PIGT: variants seen among roughly 807,000 people sequenced by gnomAD.
PIGT encodes phosphatidylinositol glycan anchor biosynthesis class T.
In PIGT, 57 loss-of-function variants were observed where a neutral mutation model predicts 66.7. The observed-to-expected ratio is 0.86, with a 90% CI of 0.69 to 1.07. The LOEUF (loss-of-function observed/expected upper bound fraction) is 1.07, where lower values mean the gene tolerates loss of function less well. PIGT is among the 50% of genes least tolerant of loss of function. The pLI is 0.00. For synonymous variants in PIGT, 362 were observed against 320.5 expected, an observed-to-expected ratio of 1.13 and a Z score of -1.38; for missense variants, 725 against 740.4, an observed-to-expected ratio of 0.98 and a Z score of 0.24.
In PIGT at chr20:45,418,869, A is replaced by G; in HGVS notation, c.383A>G (p.Lys128Arg). 6.2e-7 allele frequency: 1 copy of G among 1,614,016 alleles called. No homozygotes were observed. The highest frequency in any genetic ancestry group is 8.5e-7 in the Non-Finnish European group (1 of 1,179,922). Residue 128 changes from lysine to arginine, a missense_variant, in exon 3 of 12, where the codon AAG (lysine) becomes AGG (arginine). Around this residue, in one of 3 missense-constraint regions of PIGT, gnomAD observed 559 missense variants for 552.7 expected, o/e 1.01. Coordinates refer to ENST00000279036, the MANE Select transcript of PIGT (RefSeq NM_015937.6). ...DTVTDVDKSW[K>R]ELSNVLSGIF... Reference sequence around the variant, plus strand: ...CTATCCAGTGTGGATAAATCTTGGAAGGAGCTCAGTAATGTCCTCTCAGGG... The same window carrying G: ...CTATCCAGTGTGGATAAATCTTGGAGGGAGCTCAGTAATGTCCTCTCAGGG...
In PIGT at chr20:45,419,370, A is replaced by C. The variant is rs1193052739; in HGVS notation, c.569A>C (p.Lys190Thr). 1.2e-6 allele frequency: 2 copies of C among 1,613,982 alleles called. No individual in the cohort carries two copies. The highest frequency in any genetic ancestry group is 2.2e-5 in the East Asian group (1 of 44,888). Residue 190 changes from lysine (K) to threonine (T), a missense_variant, in exon 4 of 12, where the codon AAG (lysine) becomes ACG (threonine). By Grantham distance (78) the Lys-to-Thr change is moderately conservative (BLOSUM62 -1). Transcript: ENST00000279036. The part of the protein sequence containing the change: ...VVCTENLTPW[K>T]KLLPCSSKAG... Reference sequence around the variant, plus strand: ...TGCACCGAAAACCTCACCCCCTGGAAGAAGCTCTTGCCCTGTAGTTCCAAG... The same window carrying C: ...TGCACCGAAAACCTCACCCCCTGGACGAAGCTCTTGCCCTGTAGTTCCAAG...
In PIGT at chr20:45,421,552, C is replaced by T. The variant is rs757386694; in HGVS notation, c.1203C>T (p.Thr401=). Residue 401 remains threonine (T), a synonymous_variant, in exon 9 of 12, where the codon ACC becomes ACT. Coordinates refer to ENST00000279036, the MANE Select transcript of PIGT (RefSeq NM_015937.6). ...WYLRLYVHTL[T]ITSKGKENKP... ...TGCGGCTGTATGTGCACACCCTCAC[C>T]ATCACCTCCAAGGGCAAGGAGAACA... 1 of 1,614,138 alleles carries T rather than the reference C, an allele frequency of 6.2e-7. No individual in the cohort carries two copies. The highest frequency in any genetic ancestry group is 8.5e-7 in the Non-Finnish European group (1 of 1,180,014).
intron 8 of PIGT, chr20:45,421,080 T>TA (rs1990331369): frequency 3.9e-6 from 2 of 518,796 alleles, no homozygotes; most frequent in Non-Finnish European, 6.9e-6. Context: ...GTTAATTAAT[T>TA]ACAGTTGTGT....
chr20:45,419,891 A>G (rs1600810062), intron 5 of PIGT: 2 of 599,784 alleles, frequency 3.3e-6, no homozygotes, highest in East Asian at 5.5e-5. Flanking sequence ...TTGGTTTCCC[A>G]CCCTGCCACA....
chr20:45,420,195 T>A lies in PIGT; in HGVS notation c.741T>A (p.Asp247Glu). The change falls in exon 6 of 12, where the codon GAT becomes GAA. Residue 247 changes from aspartate to glutamate, a missense_variant. Physicochemically the swap from Asp to Glu is conservative, Grantham distance 45. This residue lies in a region of PIGT where 559 missense variants were observed against 552.7 expected (regional missense o/e 1.01). Coordinates refer to ENST00000279036, the MANE Select transcript of PIGT (RefSeq NM_015937.6). ...GGCAGACCCTGTCAGTTGTATTTGATGCCTTCATCACGGGGCAGGGAAAGA... is the reference window on the plus strand; with the variant it reads ...GGCAGACCCTGTCAGTTGTATTTGAAGCCTTCATCACGGGGCAGGGAAAGA... ...ELRQTLSVVF[D>E]AFITGQGKKD... is the part of the protein sequence containing the mutation. 9 of 1,612,454 alleles carry A rather than the reference T, an allele frequency of 5.6e-6. No individual in the cohort carries two copies. Among genetic ancestry groups the A allele is most frequent in the Non-Finnish European group, 7.6e-6 (9 of 1,179,266 alleles).
At chr20:45,416,403 G>A in intron 1 of PIGT, 60 bp downstream of exon 1, 2 of 1,551,388 alleles carry the variant, frequency 1.3e-6, no homozygotes, top group Non-Finnish European at 8.7e-7. Context: ...CTGGCCGGCC[G>A]TGGGATGAAG....
chr20:45,424,213 C>T lies in PIGT; in HGVS notation c.1235-3C>T, dbSNP rs766971725. The T allele has an allele frequency of 6.2e-7, 1 of 1,613,872 alleles. No homozygotes were observed. Among genetic ancestry groups the T allele is most frequent in the Non-Finnish European group, 8.5e-7 (1 of 1,179,928 alleles). ...AGATGTGGGTGACCTTGCATGTCTC[C>T]AGGTTACATCCACTACCAGCCTGCC... On this transcript the variant is annotated splice_polypyrimidine_tract_variant and splice_region_variant and intron_variant, in intron 9 of 11. Transcript: ENST00000279036.
In PIGT at chr20:45,416,599, A is replaced by C; in HGVS notation, c.270A>C (p.Thr90=). The change falls in exon 2 of 12, where the codon ACA becomes ACC. Residue 90 remains threonine, a synonymous_variant. Transcript: ENST00000279036. The part of the protein sequence containing the change: ...YSLRELHLSF[T]QGFWRTRYWG... ...TACGGGAGCTGCACCTGTCATTCAC[A>C]CAAGGCTTTTGGAGGACCCGATACT... 6.2e-7 allele frequency: 1 copy of C among 1,614,170 alleles called. No homozygotes were observed. Among genetic ancestry groups the C allele is most frequent in the Non-Finnish European group, 8.5e-7 (1 of 1,180,014 alleles).
intron 11 of PIGT, 155 bp downstream of exon 11, chr20:45,424,734 CTG>C: frequency 1.6e-6 from 1 of 619,880 alleles, no homozygotes; most frequent in Non-Finnish European, 2.9e-6. Flanking sequence ...TCCTGGCAGT[CTG>C]TGGAATTTGT....
chr20:45,425,638 C>T lies in PIGT; in HGVS notation c.1549C>T (p.Leu517=), dbSNP rs991934492. The T allele has an allele frequency of 8.1e-5, 130 of 1,614,018 alleles. No homozygotes were observed. Among genetic ancestry groups the T allele is most frequent in the Non-Finnish European group, 1.1e-4 (127 of 1,180,006 alleles). ...CTACACGGAGCCGCTGCTGGTGAAC[C>T]TGCCGACACCGGACTTCAGCATGCC... The part of the protein sequence containing the change: ...RLYTEPLLVN[L]PTPDFSMPYN... The change falls in exon 12 of 12, where the codon CTG becomes TTG. Residue 517 remains leucine, a synonymous_variant. Transcript: ENST00000279036.
intron 9 of PIGT, 95 bp from the exon 10 acceptor site, chr20:45,424,121 C>T: frequency 8.7e-7 from 1 of 1,150,806 alleles, no homozygotes; most frequent in Admixed American, 1.8e-5. Flanking sequence ...ATCTTCTAGG[C>T]ACCCAGATTG....
chr20:45,420,876 C>T, intron 8 of PIGT, 183 bp downstream of exon 8: 1 of 621,710 alleles, frequency 1.6e-6, no homozygotes, highest in East Asian at 2.8e-5. Flanking sequence ...CCCCAAGCTT[C>T]AGCATCCACA....
chr20:45,418,079 T>C (rs544497538), intron 2 of PIGT: 1 of 152,612 alleles, frequency 6.6e-6, no homozygotes, highest in South Asian at 2.1e-4. Flanking sequence ...CAAATCTCTT[T>C]TGATATTTCT....
At chr20:45,425,490 A>G in intron 11 of PIGT, 84 bp from the exon 12 acceptor site, 1 of 1,477,298 alleles carries the variant, frequency 6.8e-7, no homozygotes, top group Non-Finnish European at 9.2e-7. Flanking sequence ...ACTGTGTTGC[A>G]TTGCCCAATA....
At position 45,416,622 on chromosome 20, in the gene PIGT, A is replaced by G. The variant is rs1989994947; in HGVS notation, c.293A>G (p.Tyr98Cys). ...SFTQGFWRTR[Y>C]WGPPFLQAPS... ...ACACAAGGCTTTTGGAGGACCCGAT[A>G]CTGGGGGCCACCCTTCCTGCAGGCC... The change falls in exon 2 of 12, where the codon TAC becomes TGC. Residue 98 changes from tyrosine (Y) to cysteine (C), a missense_variant. By Grantham distance (194) the Tyr-to-Cys change is radical. This residue lies in a region of PIGT where 559 missense variants were observed against 552.7 expected (regional missense o/e 1.01). Transcript: ENST00000279036. 1.2e-6 allele frequency: 2 copies of G among 1,614,018 alleles called. No individual in the cohort carries two copies.
At position 45,421,351 on chromosome 20, in the gene PIGT, C is replaced by T. The variant is rs199573304; in HGVS notation, c.1034-32C>T. The T allele has an allele frequency of 2.4e-5, 38 of 1,582,934 alleles. 1 individual carries two copies. In the East Asian group the frequency reaches 8.1e-4, roughly 34 times the overall value. ...GGTGGGGAGTGATTCTTACCTTTGG[C>T]AGCTGTTAACTGTTGATATTTCTTT... On this transcript the variant is annotated intron_variant, in intron 8 of 11. Coordinates refer to ENST00000279036, the MANE Select transcript of PIGT (RefSeq NM_015937.6).
chr20:45,420,301 C>T (rs1990275884), intron 6 of PIGT, 31 bp from the exon 7 acceptor site: 2 of 1,594,848 alleles, frequency 1.3e-6, no homozygotes, highest in Non-Finnish European at 1.7e-6. Flanking sequence ...CTAGGCCTGG[C>T]CCCTGCTCAG....
chr20:45,419,017 A>T (rs1384125667), intron 3 of PIGT, 38 bp downstream of exon 3: 2 of 1,612,846 alleles, frequency 1.2e-6, no homozygotes, highest in Non-Finnish European at 1.7e-6. Context: ...TCTTCCTCTT[A>T]CCTCCTGCCC....
At position 45,425,950 on chromosome 20, in the gene PIGT, G is replaced by T. The variant is rs954949291; in HGVS notation, c.*124G>T. On this transcript the variant is annotated 3_prime_UTR_variant, in exon 12 of 12. Transcript: ENST00000279036. ...ACCAAAGTGCCCTGGACCAGGTCAG[G>T]GCCTACAGCTGTGTTGTCCAGTACA... The T allele has an allele frequency of 2.8e-6, 3 of 1,078,972 alleles. No individual in the cohort carries two copies. Among genetic ancestry groups the T allele is most frequent in the Non-Finnish European group, 3.9e-6 (3 of 766,884 alleles). 66.8% of individuals were successfully genotyped at this position (1,078,972 alleles called of 1,614,324 possible). A position where few individuals can be genotyped will look rare whatever the true frequency, so the allele number is the denominator to read the frequency against.
Sources: allele counts gnomAD v4.1 joint callset, GRCh38; gene constraint gnomAD v4.1.1; regional missense constraint gnomAD v4.1.1; transcripts MANE v1.5; gene names NCBI Gene and HGNC (gene_info 2026-07-23, HGNC 2026-07-21).